WRAP73: variants seen among roughly 807,000 people sequenced by gnomAD.
WRAP73 encodes WD repeat-containing protein WRAP73.
Under a neutral mutation model 59.6 loss-of-function variants are expected in WRAP73, and 55 were observed. That is an observed-to-expected ratio of 0.92 (90% CI 0.74 to 1.15). The LOEUF (loss-of-function observed/expected upper bound fraction) is 1.15. Ranked by LOEUF, WRAP73 falls within the 50% of genes most tolerant of loss-of-function variation. The probability of loss-of-function intolerance (pLI) is 0.00; values close to 1 mark genes in which losing one functional copy is unlikely to be tolerated. For synonymous variants in WRAP73, 265 were observed against 258.2 expected, an observed-to-expected ratio of 1.03 and a Z score of -0.25; for missense variants, 592 against 608.1, an observed-to-expected ratio of 0.97 and a Z score of 0.28.
Position 3,635,295 on chromosome 1 carries a change from C to T in WRAP73, c.604-1G>A. ...CCAATGAGTACAGCAGAATCTTGTA[C>T]TGCAGATGAGACATTTCAGTTAATA... On this transcript the variant is annotated splice_acceptor_variant, in intron 6 of 11. Transcript: ENST00000270708. LOFTEE classifies it high-confidence loss of function. 6.2e-7 allele frequency: 1 copy of T among 1,613,804 alleles called. No individual in the cohort carries two copies. The highest frequency in any genetic ancestry group is 8.5e-7 in the Non-Finnish European group (1 of 1,180,008).
intron 3 of WRAP73, among the ~76,000 whole-genome samples, chr1:3,642,354 A>G (rs1644654209): frequency 6.6e-6 from 1 of 152,248 alleles, no homozygotes; most frequent in African/African-American, 2.4e-5. Flanking sequence ...TAGGTGGACC[A>G]ACAGTGGACT....
In WRAP73 at chr1:3,647,480, C is replaced by A; in HGVS notation, c.150G>T (p.Gln50His). 6.2e-7 allele frequency: 1 copy of A among 1,613,976 alleles called. No homozygotes were observed. The highest frequency in any genetic ancestry group is 8.5e-7 in the Non-Finnish European group (1 of 1,179,952). ...CTGCCGACCACTCGATGTGCTGGAT[C>A]TGGTCTAGGCACGTGTACAGCTGAA... is the stretch of plus-strand genomic sequence containing the variant. ...QILQLYTCLD[Q>H]IQHIEWSADS... The change falls in exon 2 of 12, where the codon CAG (glutamine) becomes CAT (histidine). Residue 50 changes from glutamine (Q) to histidine (H), a missense_variant. By Grantham distance (24) the Gln-to-His change is conservative. Transcript: ENST00000270708.
In WRAP73 at chr1:3,636,989, C is replaced by T. The variant is rs1353542245; in HGVS notation, c.516+6G>A. Reference sequence around the variant, plus strand: ...CAACTTTATTCCAGTCTGGGGGACGCCTTACCCGCAGGAGCTGCCAATCAC... The same window carrying T: ...CAACTTTATTCCAGTCTGGGGGACGTCTTACCCGCAGGAGCTGCCAATCAC... On this transcript the variant is annotated splice_donor_region_variant and intron_variant, in intron 5 of 11. Transcript: ENST00000270708. The T allele has an allele frequency of 6.2e-7, 1 of 1,613,452 alleles. No individual in the cohort carries two copies. Among genetic ancestry groups the T allele is most frequent in the South Asian group, 1.1e-5 (1 of 91,038 alleles).
intron 3 of WRAP73, among the ~76,000 whole-genome samples, chr1:3,643,544 G>T (rs958395267): frequency 6.6e-6 from 1 of 152,112 alleles, no homozygotes. Flanking sequence ...TGGCGCCTTC[G>T]CAAGTGGACT....
At chr1:3,633,667 A>G (rs1644561966) in intron 8 of WRAP73, 164 bp from the exon 9 acceptor site, 6 of 593,660 alleles carry the variant, frequency 1.0e-5, no homozygotes, top group African/African-American at 1.9e-5. Context: ...CGCAGTCCCG[A>G]GAGCTGAGAT....
intron 8 of WRAP73, 103 bp downstream of exon 8, chr1:3,634,894 C>T (rs941895866): frequency 2.2e-5 from 29 of 1,348,772 alleles, no homozygotes; most frequent in African/African-American, 2.0e-4. Flanking sequence ...TGGAAGTGCC[C>T]GGTTAAATAA....
At position 3,637,045 on chromosome 1, in the gene WRAP73, A is replaced by G; in HGVS notation, c.466T>C (p.Cys156Arg). The G allele has an allele frequency of 6.2e-7, 1 of 1,613,538 alleles. No individual in the cohort carries two copies. The highest frequency in any genetic ancestry group is 8.5e-7 in the Non-Finnish European group (1 of 1,179,972). The change falls in exon 5 of 12, where the codon TGC becomes CGC. Residue 156 changes from cysteine (C) to arginine (R), a missense_variant. By Grantham distance (180) the Cys-to-Arg change is radical (BLOSUM62 -3). Transcript: ENST00000270708. ...ACGAAGATGCTCACGTAATCTTTGC[A>G]GTCGCGCCGTTCTGCCAGCGCCATG... ...RYMALAERRD[C>R]KDYVSIFVCS...
In WRAP73 at chr1:3,632,205, C is replaced by G. The variant is rs1644542272; in HGVS notation, c.1048+8G>C. The G allele has an allele frequency of 6.2e-7, 1 of 1,611,020 alleles. No homozygotes were observed. The highest frequency in any genetic ancestry group is 1.3e-5 in the African/African-American group (1 of 74,940). The stretch of plus-strand genomic sequence containing the variant: ...GGGTGAGACAGCACCTGCGTCAGCA[C>G]AACTGACCGTTCCTTGTCGCCAGGA... On this transcript the variant is annotated splice_region_variant and intron_variant, in intron 10 of 11. Transcript: ENST00000270708.
intron 8 of WRAP73, chr1:3,634,698 C>T: frequency 2.4e-6 from 1 of 419,146 alleles, no homozygotes; most frequent in Non-Finnish European, 4.5e-6. Context: ...ACCCTGGCCA[C>T]TCTGTACAGC....
chr1:3,633,376 T>C (rs1352045445), intron 9 of WRAP73, 22 bp downstream of exon 9: 2 of 1,590,112 alleles, frequency 1.3e-6, no homozygotes, highest in South Asian at 2.2e-5. Flanking sequence ...GGAAAACAAA[T>C]GACATCACAT....
At chr1:3,642,729 C>G (rs1242585501) in intron 3 of WRAP73, among the ~76,000 whole-genome samples, 1 of 125,802 alleles carries the variant, frequency 7.9e-6, no homozygotes, top group Non-Finnish European at 1.7e-5. Context: ...AAGAGCGAAA[C>G]TCCATCTCAA....
chr1:3,649,972 A>C lies in WRAP73; in HGVS notation c.28T>G (p.Ser10Ala), dbSNP rs757588641. ...GGGGAGAACTTGCAGAGTAAGCTGG[A>C]GAGCTTGAATACCTCGGAGAAGTTC... The part of the protein sequence containing the change: MNFSEVFKL[S>A]SLLCKFSPDG... Residue 10 changes from serine to alanine, a missense_variant, in exon 1 of 12, where the codon TCC (serine) becomes GCC (alanine). By Grantham distance (99) the Ser-to-Ala change is moderately conservative. Transcript: ENST00000270708. The C allele has an allele frequency of 2.5e-6, 4 of 1,603,464 alleles. No individual in the cohort carries two copies. The South Asian group carries it at 4.5e-5, about 18-fold the overall frequency.
chr1:3,634,310 C>A (rs554188890), intron 8 of WRAP73: 4 of 155,150 alleles, frequency 2.6e-5, no homozygotes, highest in African/African-American at 4.8e-5. Flanking sequence ...GCCTCTTCAT[C>A]GAATCCAAGC....
At chr1:3,635,562 T>C (rs954576892) in intron 6 of WRAP73, 2 of 534,234 alleles carry the variant, frequency 3.7e-6, no homozygotes. Context: ...GGCTCACGCC[T>C]GTAATCCCAG....
Position 3,646,581 on chromosome 1 carries a change from A to T in WRAP73, c.339+85T>A. The stretch of plus-strand genomic sequence containing the variant: ...AAGGGGAGACTAGCATACTCCAAAC[A>T]CACCCCCTCTCGCACTCCCCAGCTG... On this transcript the variant is annotated intron_variant, in intron 3 of 11. Coordinates refer to ENST00000270708, the MANE Select transcript of WRAP73 (RefSeq NM_017818.4). The surrounding 1 kb of genome is among the most constrained non-coding windows in gnomAD (Gnocchi z 5.1). The T allele has an allele frequency of 9.0e-7, 1 of 1,115,266 alleles. No individual in the cohort carries two copies. The highest frequency in any genetic ancestry group is 1.5e-5 in the South Asian group (1 of 65,638). 69.1% of individuals were successfully genotyped at this position (1,115,266 alleles called of 1,614,324 possible). A position where few individuals can be genotyped will look rare whatever the true frequency, so the allele number is the denominator to read the frequency against.
rs570468288 is a variant in WRAP73, at chr1:3,638,489, C to T, written c.412+261G>A. Among the ~76,000 whole-genome samples the T allele has an allele frequency of 1.7e-3, 265 of 152,340 alleles. 2 individuals carry two copies. Among genetic ancestry groups the T allele is most frequent in the Non-Finnish European group, 3.1e-3 (211 of 68,034 alleles). Reference sequence around the variant, plus strand: ...TCAAGGGGACCGGCATCAACGCCACCGTTCTTCCATGTCTTAGGCCACGTT... The same window carrying T: ...TCAAGGGGACCGGCATCAACGCCACTGTTCTTCCATGTCTTAGGCCACGTT... On this transcript the variant is annotated intron_variant, in intron 4 of 11. Coordinates refer to ENST00000270708, the MANE Select transcript of WRAP73 (RefSeq NM_017818.4).
In WRAP73 at chr1:3,647,455, C is replaced by A. The variant is rs139102225; in HGVS notation, c.175G>T (p.Asp59Tyr). Residue 59 changes from aspartate to tyrosine, a missense_variant, in exon 2 of 12, where the codon GAC (aspartate) becomes TAC (tyrosine). Transcript: ENST00000270708. ...DQIQHIEWSADSLFILCAMYK... is the reference protein window; with the variant it reads ...DQIQHIEWSAYSLFILCAMYK... Reference sequence around the variant, plus strand: ...ATGGCGCACAGGATGAAGAGCGAGTCTGCCGACCACTCGATGTGCTGGATC... The same window carrying A: ...ATGGCGCACAGGATGAAGAGCGAGTATGCCGACCACTCGATGTGCTGGATC... 2 of 1,613,844 alleles carry A rather than the reference C, an allele frequency of 1.2e-6. No homozygotes were observed. Among genetic ancestry groups the A allele is most frequent in the African/African-American group, 1.3e-5 (1 of 74,924 alleles).
chr1:3,643,631 G>A (rs1176278209), intron 3 of WRAP73, among the ~76,000 whole-genome samples: 1 of 138,908 alleles, frequency 7.2e-6, no homozygotes, highest in African/African-American at 2.6e-5. Context: ...CCCCGGACAT[G>A]GGGTCGCGCC....
Position 3,646,736 on chromosome 1 carries a change from C to G in WRAP73, c.269G>C (p.Gly90Ala), listed in dbSNP as rs1446035518. The G allele has an allele frequency of 6.2e-6, 10 of 1,611,510 alleles. No homozygotes were observed. Among genetic ancestry groups the G allele is most frequent in the African/African-American group, 1.3e-5 (1 of 74,934 alleles). ...GCACGAGGCCACCAGCCCGGCTGAG[C>G]CCTCGTCTATTTTGCAGTGCCATTC... Reference protein sequence around the residue: ...QPEWHCKIDEGSAGLVASCWS... With the variant: ...QPEWHCKIDEASAGLVASCWS... The change falls in exon 3 of 12, where the codon GGC (glycine) becomes GCC (alanine). Residue 90 changes from glycine to alanine, a missense_variant. By Grantham distance (60) the Gly-to-Ala change is moderately conservative (BLOSUM62 0). Transcript: ENST00000270708. The surrounding 1 kb of genome is among the most constrained non-coding windows in gnomAD (Gnocchi z 5.1).
Sources: gnomAD v4.1 joint callset for allele counts (sites outside exome capture counted in the v4.1 genomes callset) on GRCh38, gnomAD v4.1.1 for gene constraint, Gnocchi (gnomAD v3.1) non-coding constraint, MANE v1.5 for transcripts, NCBI Gene and HGNC (gene_info 2026-07-23, HGNC 2026-07-21) for gene names.